SAMMSON: variants seen among roughly 807,000 people sequenced by gnomAD.
The protein encoded by SAMMSON is survival associated mitochondrial melanoma specific oncogenic non-coding RNA.
chr3:70,050,499 A>G (rs550650027), intron 3 of SAMMSON, among the ~76,000 whole-genome samples: 1 of 152,272 alleles, frequency 6.6e-6, no homozygotes, highest in East Asian at 1.9e-4. Context: ...ACCTATCAGA[A>G]AGAAGAGACC....
chr3:70,171,080 T>C (rs1046539184), intron 4 of SAMMSON, among the ~76,000 whole-genome samples: 2 of 152,008 alleles, frequency 1.3e-5, no homozygotes, highest in East Asian at 1.9e-4. Context: ...TTTTATGCAA[T>C]GAAAGACTTC....
intron 7 of SAMMSON, among the ~76,000 whole-genome samples, chr3:70,307,025 A>G (rs1326406931): frequency 6.6e-6 from 1 of 152,158 alleles, no homozygotes; most frequent in Non-Finnish European, 1.5e-5. Context: ...ATAGAGAGAA[A>G]ATCTGTGCCA....
intron 2 of SAMMSON, among the ~76,000 whole-genome samples, chr3:70,422,782 A>C (rs1701322944): frequency 6.6e-6 from 1 of 151,988 alleles, no homozygotes; most frequent in Non-Finnish European, 1.5e-5. Context: ...CACCAAAATG[A>C]TACTCATTTT....
intron 6 of SAMMSON, among the ~76,000 whole-genome samples, chr3:70,284,390 T>C (rs2106685159): frequency 6.6e-6 from 1 of 152,268 alleles, no homozygotes; most frequent in Non-Finnish European, 1.5e-5. Context: ...AAGACTCTAT[T>C]AAACTTTCTA....
intron 2 of SAMMSON, among the ~76,000 whole-genome samples, chr3:70,414,760 TA>T (rs1031576114): frequency 5.3e-5 from 8 of 152,204 alleles, no homozygotes; most frequent in Non-Finnish European, 2.9e-5. Flanking sequence ...GGACCTCATC[TA>T]ATTCATTTAT....
intron 6 of SAMMSON, among the ~76,000 whole-genome samples, chr3:70,283,258 T>G (rs990719897): frequency 6.6e-6 from 1 of 152,068 alleles, no homozygotes; most frequent in Non-Finnish European, 1.5e-5. Flanking sequence ...TGTAAACTCA[T>G]GCAGTCCTCT....
chr3:70,265,672 C>T (rs1701910710), intron 6 of SAMMSON, among the ~76,000 whole-genome samples: 1 of 152,188 alleles, frequency 6.6e-6, no homozygotes, highest in Non-Finnish European at 1.5e-5. Context: ...ATGTATTAGT[C>T]CATTCTCACA....
chr3:70,058,976 C>T (rs969513515), intron 3 of SAMMSON, among the ~76,000 whole-genome samples: 1 of 151,766 alleles, frequency 6.6e-6, no homozygotes, highest in African/African-American at 2.4e-5. Context: ...ATTAATATAC[C>T]CGTTTTATAG....
intron 4 of SAMMSON, among the ~76,000 whole-genome samples, chr3:70,226,711 C>A (rs1357553935): frequency 2.8e-5 from 4 of 145,118 alleles, no homozygotes; most frequent in Non-Finnish European, 5.9e-5. Context: ...CCACTCCAGC[C>A]TGGGCAACAG....
In SAMMSON at chr3:70,242,070, G is replaced by A. The variant is rs527719465; in HGVS notation, n.508-7037G>A. 4.6e-5 allele frequency among the ~76,000 whole-genome samples: 7 copies of A among 152,260 alleles called. No individual in the cohort carries two copies. The South Asian group carries it at 1.5e-3, about 32-fold the overall frequency. On this transcript the variant is annotated intron_variant and non_coding_transcript_variant, in intron 4 of 9. Transcript: ENST00000642114. ...CAGAAAGACTAGAGACAATTTCCTCGTAAGGGTAAGGGCCAATGATGTGTA... is the reference window on the plus strand; with the variant it reads ...CAGAAAGACTAGAGACAATTTCCTCATAAGGGTAAGGGCCAATGATGTGTA...
chr3:70,090,674 A>C (rs1290075829), intron 4 of SAMMSON, among the ~76,000 whole-genome samples: 1 of 152,124 alleles, frequency 6.6e-6, no homozygotes, highest in Non-Finnish European at 1.5e-5. Context: ...AGAAAAGATA[A>C]TAGTCACATA....
At chr3:70,355,612 G>A (rs923588103) in intron 8 of SAMMSON, among the ~76,000 whole-genome samples, 5 of 152,092 alleles carry the variant, frequency 3.3e-5, no homozygotes, top group Non-Finnish European at 4.4e-5. Context: ...GAAAACAGGA[G>A]AGGGGAAAAA....
At position 70,189,542 on chromosome 3, in the gene SAMMSON, C is replaced by G. The variant is rs538564472; in HGVS notation, n.508-59565C>G. Reference sequence around the variant, plus strand: ...GTAGTCAGATGGGTTTTGCACTTCGCCCAACCTAGCAAAGTCACTCCTTGG... The same window carrying G: ...GTAGTCAGATGGGTTTTGCACTTCGGCCAACCTAGCAAAGTCACTCCTTGG... On this transcript the variant is annotated intron_variant and non_coding_transcript_variant, in intron 4 of 9. Coordinates refer to ENST00000642114, the Ensembl canonical transcript of SAMMSON. 2.0e-5 allele frequency among the ~76,000 whole-genome samples: 3 copies of G among 152,242 alleles called. No homozygotes were observed. In the South Asian group the frequency reaches 6.2e-4, roughly 32 times the overall value.
chr3:70,237,225 T>A (rs769442106), intron 4 of SAMMSON, among the ~76,000 whole-genome samples: 13 of 152,168 alleles, frequency 8.5e-5, no homozygotes, highest in Non-Finnish European at 1.8e-4. Context: ...ATCCTGGAGG[T>A]GTGCTCATTT....
At chr3:70,297,954 G>T (rs994712007) in intron 7 of SAMMSON, among the ~76,000 whole-genome samples, 1 of 152,030 alleles carries the variant, frequency 6.6e-6, no homozygotes, top group Non-Finnish European at 1.5e-5. Context: ...CTTACTCTTT[G>T]CTAATTCCTG....
chr3:70,157,095 A>G (rs2067595208), intron 4 of SAMMSON, among the ~76,000 whole-genome samples: 1 of 152,120 alleles, frequency 6.6e-6, no homozygotes, highest in African/African-American at 2.4e-5. Context: ...GCAGCTAAAG[A>G]AGGATGTTAA....
intron 3 of SAMMSON, among the ~76,000 whole-genome samples, chr3:70,064,734 C>CTAT (rs1176594616): frequency 6.6e-6 from 1 of 152,022 alleles, no homozygotes; most frequent in Non-Finnish European, 1.5e-5. Flanking sequence ...CGCGTCTTTG[C>CTAT]TATTGGATGA....
At chr3:70,178,725 T>C (rs1182558922) in intron 4 of SAMMSON, among the ~76,000 whole-genome samples, 2 of 152,188 alleles carry the variant, frequency 1.3e-5, no homozygotes, top group Non-Finnish European at 2.9e-5. Flanking sequence ...ATAAGAACTT[T>C]GTGCTGGGCA....
chr3:70,245,699 A>C (rs553021650), intron 4 of SAMMSON, among the ~76,000 whole-genome samples: 1 of 138,938 alleles, frequency 7.2e-6, no homozygotes, highest in African/African-American at 2.6e-5. Context: ...ATATATATAT[A>C]TATATATATA....
Sources: allele counts gnomAD v4.1 joint callset (sites outside exome capture counted in the v4.1 genomes callset), GRCh38; gene constraint gnomAD v4.1.1; transcripts MANE v1.5; gene names NCBI Gene and HGNC (gene_info 2026-07-23, HGNC 2026-07-21).